Variants in PPP1R9A observed in about 807,000 individuals in gnomAD.
PPP1R9A encodes the protein protein phosphatase 1 regulatory subunit 9A.
A neutral mutation model predicts 141.9 loss-of-function variants in PPP1R9A; 59 were observed. That is an observed-to-expected ratio of 0.42 (90% CI 0.34 to 0.52). The LOEUF is 0.52. PPP1R9A is among the 20% of genes least tolerant of loss of function. PPP1R9A has a pLI of 0.10. For synonymous variants in PPP1R9A, 500 were observed against 569.7 expected (o/e 0.88, Z 1.74); for missense variants, 1,444 against 1,611.9 (o/e 0.90, Z 1.78).
intron 2 of PPP1R9A, among the ~76,000 whole-genome samples, chr7:95,052,465 C>G (rs1050929508): frequency 1.3e-5 from 2 of 152,106 alleles, no homozygotes; most frequent in Non-Finnish European, 2.9e-5. Flanking sequence ...AGGTTTCTGG[C>G]TGGGGAGCCC....
At chr7:95,173,816 G>A (rs995182537) in intron 5 of PPP1R9A, among the ~76,000 whole-genome samples, 2 of 152,006 alleles carry the variant, frequency 1.3e-5, no homozygotes, top group African/African-American at 2.4e-5. Context: ...AATCCACAAT[G>A]AGGTTCTACT....
chr7:95,268,483 TGTCTGTG>T, intron 12 of PPP1R9A, 60 bp from the exon 13 acceptor site: 1 of 1,558,654 alleles, frequency 6.4e-7, no homozygotes, highest in Non-Finnish European at 8.7e-7. Flanking sequence ...ATTTTATCAG[TGTCTGTG>T]GTCTCTTCAT....
chr7:95,219,528 T>C (rs1442413969), intron 7 of PPP1R9A, among the ~76,000 whole-genome samples: 2 of 152,154 alleles, frequency 1.3e-5, no homozygotes, highest in African/African-American at 4.8e-5. Context: ...CTTGCTAGAT[T>C]GGGGAAGTTT....
At chr7:95,066,329 T>C (rs1812947543) in intron 2 of PPP1R9A, among the ~76,000 whole-genome samples, 1 of 152,162 alleles carries the variant, frequency 6.6e-6, no homozygotes, top group Non-Finnish European at 1.5e-5. Context: ...TGTGAGAAGA[T>C]AAGTTTCTGT....
At chr7:95,031,070 C>G (rs893508388) in intron 2 of PPP1R9A, among the ~76,000 whole-genome samples, 1 of 152,072 alleles carries the variant, frequency 6.6e-6, no homozygotes, top group African/African-American at 2.4e-5. Context: ...AGGGCAGAAA[C>G]CCATGTGTGA....
At chr7:95,104,494 C>T (rs1189936711) in intron 2 of PPP1R9A, among the ~76,000 whole-genome samples, 1 of 152,130 alleles carries the variant, frequency 6.6e-6, no homozygotes, top group African/African-American at 2.4e-5. Context: ...TTGTAACATA[C>T]TCCTTATGTT....
At chr7:94,916,430 C>CAT (rs939446409) in intron 2 of PPP1R9A, among the ~76,000 whole-genome samples, 1 of 152,154 alleles carries the variant, frequency 6.6e-6, no homozygotes, top group African/African-American at 2.4e-5. Context: ...AGTGGCTGGC[C>CAT]ATAGCATGTT....
At chr7:95,129,153 T>C (rs1383012904) in intron 4 of PPP1R9A, among the ~76,000 whole-genome samples, 1 of 152,178 alleles carries the variant, frequency 6.6e-6, no homozygotes, top group Non-Finnish European at 1.5e-5. Context: ...AAAGATTAGA[T>C]GTCTGTAGGT....
intron 5 of PPP1R9A, among the ~76,000 whole-genome samples, chr7:95,181,504 T>C (rs952622282): frequency 1.5e-5 from 2 of 137,370 alleles, no homozygotes; most frequent in African/African-American, 5.3e-5. Flanking sequence ...AGAATATATA[T>C]AGAGAATATA....
At chr7:95,139,157 G>C (rs1405194565) in intron 4 of PPP1R9A, among the ~76,000 whole-genome samples, 1 of 152,164 alleles carries the variant, frequency 6.6e-6, no homozygotes, top group African/African-American at 2.4e-5. Context: ...AAATGAAAGC[G>C]GTTTAATTGA....
chr7:95,115,154 A>G (rs1242107614), intron 3 of PPP1R9A, among the ~76,000 whole-genome samples: 1 of 152,164 alleles, frequency 6.6e-6, no homozygotes, highest in Non-Finnish European at 1.5e-5. Flanking sequence ...TCTATAAAAT[A>G]TATCAATCAT....
chr7:95,067,699 A>C (rs1036413252), intron 2 of PPP1R9A, among the ~76,000 whole-genome samples: 2 of 115,718 alleles, frequency 1.7e-5, no homozygotes, highest in African/African-American at 7.5e-5. Flanking sequence ...ATGTATGGCA[A>C]AGTATTTTTT....
chr7:94,989,576 A>G (rs1401742605), intron 2 of PPP1R9A, among the ~76,000 whole-genome samples: 2 of 152,088 alleles, frequency 1.3e-5, no homozygotes, highest in Non-Finnish European at 2.9e-5. Flanking sequence ...TTTGTACCAC[A>G]AAGTCCATAT....
intron 2 of PPP1R9A, among the ~76,000 whole-genome samples, chr7:94,929,468 G>T (rs868059381): frequency 6.6e-6 from 1 of 152,122 alleles, no homozygotes; most frequent in South Asian, 2.1e-4. Context: ...ACCTAACAGC[G>T]AGGCACAGAA....
chr7:95,123,956 A>G (rs1012888955), intron 4 of PPP1R9A, among the ~76,000 whole-genome samples: 8 of 152,224 alleles, frequency 5.3e-5, no homozygotes, highest in Non-Finnish European at 7.3e-5. Flanking sequence ...GGTGTACAAC[A>G]TAAGTACAGA....
intron 2 of PPP1R9A, among the ~76,000 whole-genome samples, chr7:95,074,770 G>A (rs910328419): frequency 3.3e-5 from 5 of 151,948 alleles, no homozygotes; most frequent in African/African-American, 1.2e-4. Flanking sequence ...CATCGTGCCC[G>A]GCCCAAAGAC....
chr7:95,116,298 C>T (rs1177586382), intron 3 of PPP1R9A, among the ~76,000 whole-genome samples: 4 of 152,008 alleles, frequency 2.6e-5, no homozygotes, highest in African/African-American at 9.7e-5. Context: ...AGATGAAAAG[C>T]ATCATCTTTT....
intron 7 of PPP1R9A, among the ~76,000 whole-genome samples, chr7:95,222,546 AG>A (rs1794606698): frequency 1.3e-5 from 2 of 152,016 alleles, no homozygotes; most frequent in Non-Finnish European, 2.9e-5. Flanking sequence ...TCAGAAAGGT[AG>A]GTAAAGACAT....
chr7:95,131,621 G>C (rs924603033), intron 4 of PPP1R9A, among the ~76,000 whole-genome samples: 2 of 151,626 alleles, frequency 1.3e-5, no homozygotes, highest in Non-Finnish European at 2.9e-5. Flanking sequence ...GCTCTTTTTA[G>C]GTTCTATATG....
Sources: gnomAD v4.1 joint callset for allele counts (sites outside exome capture counted in the v4.1 genomes callset) on GRCh38, gnomAD v4.1.1 for gene constraint, MANE v1.5 for transcripts, NCBI Gene and HGNC (gene_info 2026-07-23, HGNC 2026-07-21) for gene names.